FSD1: variants seen among roughly 807,000 people sequenced by gnomAD.
The protein encoded by FSD1 is fibronectin type III and SPRY domain containing 1, also known as fibronectin type III and SPRY domain-containing protein 1.
Under a neutral mutation model 58.2 loss-of-function variants are expected in FSD1, and 23 were observed. That is an observed-to-expected ratio of 0.40 (90% CI 0.28 to 0.56). FSD1 has a LOEUF of 0.56. FSD1 is among the 20% of genes least tolerant of loss of function. The probability of loss-of-function intolerance (pLI) is 0.54; values close to 1 mark genes in which losing one functional copy is unlikely to be tolerated. For missense variants in FSD1, 563 were observed against 670.8 expected, an observed-to-expected ratio of 0.84 and a Z score of 1.78; for synonymous variants, 265 against 263.4, an observed-to-expected ratio of 1.01 and a Z score of -0.06.
intron 7 of FSD1, among the ~76,000 whole-genome samples, chr19:4,313,005 G>A (rs904102738): frequency 1.1e-4 from 17 of 151,616 alleles, no homozygotes; most frequent in Non-Finnish European, 2.2e-4. Context: ...TAGAGCTGGC[G>A]TTCTGGATTC....
Position 4,310,526 on chromosome 19 carries a change from C to T in FSD1, c.420C>T (p.Asp140=), listed in dbSNP as rs778217458. The part of the protein sequence containing the change: ...FRLSLKAKVS[D]NMSHLMVDFA... ...TATCATTGAAAGCGAAGGTCAGTGA[C>T]AACATGAGTCACCTCATGGTGGACT... Residue 140 remains aspartate (D), a synonymous_variant, in exon 6 of 13, where the codon GAC becomes GAT. Transcript: ENST00000221856. The T allele has an allele frequency of 6.2e-7, 1 of 1,613,962 alleles. No individual in the cohort carries two copies. The highest frequency in any genetic ancestry group is 2.2e-5 in the East Asian group (1 of 44,864).
At chr19:4,311,388 T>G (rs1277888215) in intron 6 of FSD1, 1 of 177,008 alleles carries the variant, frequency 5.6e-6, no homozygotes, top group East Asian at 1.6e-4. Context: ...GATGGAACCT[T>G]AGCGTCTCCA....
chr19:4,311,741 C>G, intron 6 of FSD1, 101 bp from the exon 7 acceptor site: 1 of 1,053,214 alleles, frequency 9.5e-7, no homozygotes, highest in Non-Finnish European at 1.5e-6. Context: ...GGCCATGCCC[C>G]CAAAATTGTC....
At chr19:4,319,899 C>T (rs144224680) in intron 10 of FSD1, among the ~76,000 whole-genome samples, 99 of 151,854 alleles carry the variant, frequency 6.5e-4, no homozygotes, top group African/African-American at 2.3e-3. Flanking sequence ...CTGGGAGGGG[C>T]GAGAGTATGA....
chr19:4,309,899 A>G (rs1971669135), intron 4 of FSD1, among the ~76,000 whole-genome samples: 1 of 133,652 alleles, frequency 7.5e-6, no homozygotes, highest in African/African-American at 2.9e-5. Context: ...ACAGAGCAAG[A>G]CTCCATCTCA....
chr19:4,304,689 TG>T lies in FSD1; in HGVS notation c.-54del. ...GCTACCGGCCGCGGCAAAGGCAGCT[TG>T]GGGACCCAGCGTGCGCGGGGCCCGC... On this transcript the variant is annotated 5_prime_UTR_variant, in exon 1 of 13. Transcript: ENST00000221856. 2.0e-6 allele frequency: 2 copies of T among 1,003,050 alleles called. No homozygotes were observed. Among genetic ancestry groups the T allele is most frequent in the Non-Finnish European group, 2.4e-6 (2 of 833,662 alleles). The allele number at this position is 1,003,050 out of a possible 1,614,324, so 62.1% of individuals were successfully genotyped here. A position where few individuals can be genotyped will look rare whatever the true frequency, so the allele number is the denominator to read the frequency against.
At chr19:4,310,157 G>T in intron 4 of FSD1, 116 bp from the exon 5 acceptor site, 1 of 1,120,196 alleles carries the variant, frequency 8.9e-7, no homozygotes, top group South Asian at 1.3e-5. Flanking sequence ...CCCAGGAGGT[G>T]GAGGTTGCAG....
chr19:4,310,740 C>T (rs1414581956), intron 6 of FSD1, 144 bp downstream of exon 6: 5 of 928,198 alleles, frequency 5.4e-6, no homozygotes, highest in Non-Finnish European at 7.9e-6. Context: ...GAATTCCACG[C>T]CCTGTGGGGG....
chr19:4,321,106 A>T (rs1971811239), intron 10 of FSD1, among the ~76,000 whole-genome samples: 1 of 145,122 alleles, frequency 6.9e-6, no homozygotes, highest in Non-Finnish European at 1.5e-5. Flanking sequence ...CTGGGGAAAT[A>T]GCTGGGACTG....
intron 3 of FSD1, among the ~76,000 whole-genome samples, chr19:4,307,458 C>A (rs1341899696): frequency 6.6e-6 from 1 of 152,132 alleles, no homozygotes; most frequent in African/African-American, 2.4e-5. Flanking sequence ...ACCTCCGCCT[C>A]CCGGGTTCAA....
intron 3 of FSD1, 109 bp downstream of exon 3, chr19:4,306,438 T>G: frequency 2.9e-6 from 3 of 1,040,966 alleles, no homozygotes; most frequent in African/African-American, 1.6e-5. Context: ...TTCTGATCTC[T>G]CCCCTGACCC....
intron 7 of FSD1, among the ~76,000 whole-genome samples, chr19:4,315,542 T>A (rs1454301719): frequency 6.6e-6 from 1 of 151,408 alleles, no homozygotes; most frequent in African/African-American, 2.4e-5. Context: ...TCTCCTGACC[T>A]TGTGATCCGC....
At chr19:4,310,179 C>T in intron 4 of FSD1, 94 bp from the exon 5 acceptor site, 1 of 1,403,150 alleles carries the variant, frequency 7.1e-7, no homozygotes, top group Non-Finnish European at 1.0e-6. Context: ...GAGCCGAGAT[C>T]TCTCCACTGC....
chr19:4,307,860 C>G (rs772735286), intron 3 of FSD1, 22 bp from the exon 4 acceptor site: 2 of 1,600,870 alleles, frequency 1.2e-6, no homozygotes, highest in Middle Eastern at 1.7e-4. Context: ...TTGTCCCCTC[C>G]TTTGGTGCCT....
Position 4,318,353 on chromosome 19 carries a change from GT to G in FSD1, c.809del (p.Phe270SerfsTer81). 1 of 1,613,816 alleles carries G rather than the reference GT, an allele frequency of 6.2e-7. No individual in the cohort carries two copies. Among genetic ancestry groups the G allele is most frequent in the Non-Finnish European group, 8.5e-7 (1 of 1,179,986 alleles). On this transcript the variant is annotated frameshift_variant, in exon 9 of 13. Transcript: ENST00000221856. LOFTEE classifies it high-confidence loss of function. ...PVTLETPAFM[F>X]RLDASTSHQN... The stretch of plus-strand genomic sequence containing the variant: ...ACGTCTGCCCGGCCCCAGCGTTCAT[GT>G]TCCGCCTGGATGCGTCCACATCCCA...
chr19:4,317,679 G>T (rs893565860), intron 8 of FSD1, among the ~76,000 whole-genome samples: 5 of 152,062 alleles, frequency 3.3e-5, no homozygotes, highest in African/African-American at 9.7e-5. Context: ...CCCCTTTTTT[G>T]GGATTAGTCC....
Position 4,306,248 on chromosome 19 carries a change from C to T in FSD1, c.162C>T (p.Leu54=). ...ACCTCGAAGCAGAGTTCCAGTCCCT[C>T]TTCTCCCTCCTGGAGGAGCTGAAAG... The part of the protein sequence containing the change: ...QEDLEAEFQS[L]FSLLEELKEG... The change falls in exon 3 of 13, where the codon CTC becomes CTT. Residue 54 remains leucine, a synonymous_variant. Transcript: ENST00000221856. 2 of 1,614,066 alleles carry T rather than the reference C, an allele frequency of 1.2e-6. No individual in the cohort carries two copies. The highest frequency in any genetic ancestry group is 8.5e-7 in the Non-Finnish European group (1 of 1,179,980).
intron 9 of FSD1, 44 bp downstream of exon 9, chr19:4,318,549 C>G: frequency 6.7e-7 from 1 of 1,487,394 alleles, no homozygotes; most frequent in Non-Finnish European, 9.1e-7. Flanking sequence ...TGGAGGAGAT[C>G]AGTCTGGACA....
chr19:4,310,774 C>T (rs1971681250), intron 6 of FSD1, 178 bp downstream of exon 6: 5 of 647,414 alleles, frequency 7.7e-6, no homozygotes, highest in Non-Finnish European at 1.3e-5. Flanking sequence ...GGAGCCCCGC[C>T]CCTGGGTGGA....
Sources: allele counts gnomAD v4.1 joint callset (sites outside exome capture counted in the v4.1 genomes callset), GRCh38; gene constraint gnomAD v4.1.1; transcripts MANE v1.5; gene names NCBI Gene and HGNC (gene_info 2026-07-23, HGNC 2026-07-21).